Variants in MRPS28 observed in about 807,000 individuals in gnomAD.
MRPS28 encodes small ribosomal subunit protein bS1m.
MRPS28 carries 7 observed loss-of-function variants against 10.8 expected under a neutral mutation model. The ratio of observed to expected loss-of-function variants is 0.65; its 90% CI spans 0.37 to 1.22. MRPS28 has a LOEUF of 1.22. Among genes scored for constraint, MRPS28 ranks in the 50% most tolerant of loss-of-function variants. MRPS28 has a pLI of 0.02. For synonymous variants in MRPS28, 121 were observed against 93.3 expected, an observed-to-expected ratio of 1.30 and a Z score of -1.71; for missense variants, 265 against 232.9, an observed-to-expected ratio of 1.14 and a Z score of -0.90.
In MRPS28 at chr8:80,030,027, G is replaced by A. The variant is rs1369787478; in HGVS notation, c.213+9C>T. ...TCCCGCGACTCCCTCTCACCCGCCC[G>A]GGCTCCACCTTCTGTAGGGGCTCCA... On this transcript the variant is annotated intron_variant, in intron 1 of 2. Coordinates refer to ENST00000276585, the MANE Select transcript of MRPS28 (RefSeq NM_014018.3). The A allele has an allele frequency of 6.2e-7, 1 of 1,610,748 alleles. No homozygotes were observed. The highest frequency in any genetic ancestry group is 1.7e-5 in the Admixed American group (1 of 59,830).
intron 2 of MRPS28, among the ~76,000 whole-genome samples, chr8:79,954,090 T>C (rs1807144439): frequency 6.6e-6 from 1 of 151,964 alleles, no homozygotes; most frequent in African/African-American, 2.4e-5. Context: ...AACTACTATA[T>C]CCCTGAAGCC....
chr8:79,926,504 TCAC>T (rs1355792386), intron 2 of MRPS28, among the ~76,000 whole-genome samples: 1 of 152,212 alleles, frequency 6.6e-6, no homozygotes, highest in African/African-American at 2.4e-5. Context: ...CTTACATAAT[TCAC>T]CACATCAATA....
intron 2 of MRPS28, among the ~76,000 whole-genome samples, chr8:79,981,059 T>A (rs1172544948): frequency 6.6e-6 from 1 of 152,234 alleles, no homozygotes; most frequent in African/African-American, 2.4e-5. Context: ...TCGGGCGCAG[T>A]GGCTCACACC....
intron 2 of MRPS28, among the ~76,000 whole-genome samples, chr8:79,977,001 T>C (rs762753837): frequency 1.3e-5 from 2 of 152,062 alleles, no homozygotes; most frequent in African/African-American, 2.4e-5. Flanking sequence ...AGTGAAAAAG[T>C]AGTAACAACC....
At chr8:79,967,932 T>C (rs183196764) in intron 2 of MRPS28, among the ~76,000 whole-genome samples, 1 of 152,228 alleles carries the variant, frequency 6.6e-6, no homozygotes, top group African/African-American at 2.4e-5. Context: ...ACTATTTACA[T>C]TATCTTGAAT....
intron 2 of MRPS28, among the ~76,000 whole-genome samples, chr8:79,975,949 G>A (rs373623565): frequency 6.6e-6 from 1 of 152,160 alleles, no homozygotes; most frequent in Non-Finnish European, 1.5e-5. Context: ...GTAGTAAAAT[G>A]CTATGCAGTC....
intron 2 of MRPS28, among the ~76,000 whole-genome samples, chr8:79,945,792 A>G (rs1156827893): frequency 2.0e-5 from 3 of 152,244 alleles, no homozygotes; most frequent in Non-Finnish European, 4.4e-5. Context: ...TAATCTAAAA[A>G]GTTATGAGAA....
intron 2 of MRPS28, among the ~76,000 whole-genome samples, chr8:79,949,606 A>C (rs547221685): frequency 3.9e-5 from 6 of 152,274 alleles, no homozygotes; most frequent in African/African-American, 1.4e-4. Flanking sequence ...ATCTCCTATA[A>C]TCAGATATTA....
chr8:79,944,891 C>T (rs1472944904), intron 2 of MRPS28, among the ~76,000 whole-genome samples: 5 of 151,998 alleles, frequency 3.3e-5, no homozygotes, highest in South Asian at 2.1e-4. Context: ...GATGGGATCT[C>T]GCCATGTTGT....
chr8:79,952,668 G>A (rs903988336), intron 2 of MRPS28, among the ~76,000 whole-genome samples: 4 of 152,046 alleles, frequency 2.6e-5, no homozygotes, highest in Non-Finnish European at 5.9e-5. Flanking sequence ...AGAGTCCCAC[G>A]CCATCAACAG....
At chr8:80,024,781 G>A (rs1289662157) in intron 1 of MRPS28, among the ~76,000 whole-genome samples, 1 of 152,140 alleles carries the variant, frequency 6.6e-6, no homozygotes, top group Non-Finnish European at 1.5e-5. Flanking sequence ...TGAAGAGGGT[G>A]GACTGAAAAT....
At chr8:79,943,815 T>C (rs1319031275) in intron 2 of MRPS28, among the ~76,000 whole-genome samples, 2 of 152,200 alleles carry the variant, frequency 1.3e-5, no homozygotes, top group East Asian at 3.8e-4. Context: ...GGAAATGTTT[T>C]TACATTAACC....
chr8:80,006,297 A>C (rs1278121690), intron 1 of MRPS28, among the ~76,000 whole-genome samples: 1 of 152,270 alleles, frequency 6.6e-6, no homozygotes, highest in African/African-American at 2.4e-5. Flanking sequence ...ACCACAGTGC[A>C]ATCAAACTAG....
chr8:80,013,367 G>A (rs1809104231), intron 1 of MRPS28, among the ~76,000 whole-genome samples: 1 of 151,976 alleles, frequency 6.6e-6, no homozygotes, highest in African/African-American at 2.4e-5. Flanking sequence ...TGGGTGCAGT[G>A]GCTCACCCTG....
chr8:79,987,232 G>A (rs578052412), intron 2 of MRPS28, among the ~76,000 whole-genome samples: 88 of 152,160 alleles, frequency 5.8e-4, no homozygotes, highest in Non-Finnish European at 1.1e-3. Context: ...TATGTAGAAA[G>A]CTGAAACTGG....
chr8:80,024,441 AGTGTGTAATAGG>A (rs1809449090), intron 1 of MRPS28, among the ~76,000 whole-genome samples: 1 of 152,088 alleles, frequency 6.6e-6, no homozygotes, highest in African/African-American at 2.4e-5. Flanking sequence ...TAGTAACCCG[AGTGTGTAATAGG>A]ATAAGAACTT....
chr8:79,920,034 T>C (rs1002372708), intron 2 of MRPS28, among the ~76,000 whole-genome samples: 7 of 148,060 alleles, frequency 4.7e-5, no homozygotes, highest in African/African-American at 7.4e-5. Flanking sequence ...AGTGAGAACA[T>C]GCGGTGTTTG....
At chr8:80,013,468 C>T (rs956819767) in intron 1 of MRPS28, among the ~76,000 whole-genome samples, 2 of 151,676 alleles carry the variant, frequency 1.3e-5, no homozygotes, top group Admixed American at 6.6e-5. Flanking sequence ...AACCCTGTCT[C>T]TACTAAAAAT....
rs773115914 is a variant in MRPS28, at chr8:80,030,105, G to C, written c.144C>G (p.Arg48=). ...GSSNAKEPKT[R]AGGFASALER... Reference sequence around the variant, plus strand: ...CCAACGCGCTCGCGAAACCGCCTGCGCGCGTCTTAGGCTCCTTGGCATTGG... The same window carrying C: ...CCAACGCGCTCGCGAAACCGCCTGCCCGCGTCTTAGGCTCCTTGGCATTGG... Residue 48 remains arginine (R), a synonymous_variant, in exon 1 of 3, where the codon CGC becomes CGG. Transcript: ENST00000276585. The C allele has an allele frequency of 3.1e-6, 5 of 1,611,916 alleles. No individual in the cohort carries two copies. Among genetic ancestry groups the C allele is most frequent in the Non-Finnish European group, 3.4e-6 (4 of 1,179,942 alleles).
Sources: gnomAD v4.1 joint callset for allele counts (sites outside exome capture counted in the v4.1 genomes callset) on GRCh38, gnomAD v4.1.1 for gene constraint, MANE v1.5 for transcripts, NCBI Gene and HGNC (gene_info 2026-07-23, HGNC 2026-07-21) for gene names.